The following GABRA3 variants were observed in gnomAD, a reference collection of about 807,000 sequenced individuals.
GABRA3 encodes the protein gamma-aminobutyric acid type A receptor subunit alpha3.
A neutral mutation model predicts 30.1 loss-of-function variants in GABRA3; 10 were observed. That is an observed-to-expected ratio of 0.33 (90% CI 0.20 to 0.56). GABRA3 has a LOEUF of 0.56. Among genes scored for constraint, GABRA3 ranks in the 20% least tolerant of loss-of-function variants. GABRA3 has a pLI of 0.89. For missense variants in GABRA3, 233 were observed against 392.0 expected, an observed-to-expected ratio of 0.59 and a Z score of 3.42; for synonymous variants, 151 against 146.8, an observed-to-expected ratio of 1.03 and a Z score of -0.21.
chrX:152,334,111 A>C (rs1012196399), intron 3 of GABRA3, among the ~76,000 whole-genome samples: 2 of 112,156 alleles, frequency 1.8e-5, no homozygotes, highest in Non-Finnish European at 3.8e-5. Flanking sequence ...CACTAAAAAG[A>C]AAAATTATAT....
At chrX:152,368,798 T>G (rs866341422) in intron 1 of GABRA3, among the ~76,000 whole-genome samples, 1 of 98,807 alleles carries the variant, frequency 1.0e-5, no homozygotes, top group Non-Finnish European at 2.0e-5. Flanking sequence ...CTCTGCCTCC[T>G]GGGTTCACAC....
chrX:152,345,791 T>C (rs1940383939), intron 2 of GABRA3, 89 bp from the exon 3 acceptor site: 12 of 877,113 alleles, frequency 1.4e-5, no homozygotes, highest in Non-Finnish European at 1.6e-5. Context: ...AGATTTCAAT[T>C]AATAGACTGG....
intron 1 of GABRA3, among the ~76,000 whole-genome samples, chrX:152,445,060 CAAAAAAAAA>C (rs1204814043): frequency 5.3e-5 from 1 of 18,720 alleles, no homozygotes; most frequent in African/African-American, 1.6e-4. Flanking sequence ...GACTCCGTCT[CAAAAAAAAA>C]AAAAAAAAAA....
chrX:152,405,563 C>T (rs915839953), intron 1 of GABRA3, among the ~76,000 whole-genome samples: 1 of 110,290 alleles, frequency 9.1e-6, no homozygotes. Context: ...GGAAGACAGT[C>T]CTTCCACTTG....
intron 3 of GABRA3, among the ~76,000 whole-genome samples, chrX:152,339,320 C>A (rs1940280558): frequency 9.3e-6 from 1 of 107,641 alleles, no homozygotes; most frequent in Non-Finnish European, 1.9e-5. Flanking sequence ...CTCCACCTCC[C>A]AGGTTCAAGT....
intron 2 of GABRA3, among the ~76,000 whole-genome samples, chrX:152,358,499 T>TA (rs1467314041): frequency 1.8e-5 from 2 of 111,614 alleles, no homozygotes; most frequent in African/African-American, 6.5e-5. Context: ...CAGAGATAGT[T>TA]AGACTCCCTA....
At chrX:152,200,262 G>C (rs1239906931) in intron 7 of GABRA3, among the ~76,000 whole-genome samples, 1 of 111,259 alleles carries the variant, frequency 9.0e-6, no homozygotes, top group Admixed American at 9.6e-5. Flanking sequence ...ATTTGGTTTT[G>C]GCAGGATTCC....
At chrX:152,364,346 C>A in intron 2 of GABRA3, 85 bp downstream of exon 2, 2 of 937,918 alleles carry the variant, frequency 2.1e-6, no homozygotes, top group South Asian at 2.5e-5. Context: ...TACTTGGGTT[C>A]ATCTGGGGGA....
chrX:152,303,198 T>C (rs1430865193), intron 3 of GABRA3, among the ~76,000 whole-genome samples: 1 of 112,373 alleles, frequency 8.9e-6, no homozygotes, highest in African/African-American at 3.2e-5. Context: ...CCACCAACAG[T>C]GTATAAGTGT....
chrX:152,390,213 T>A (rs1387680070), intron 1 of GABRA3, among the ~76,000 whole-genome samples: 3 of 111,828 alleles, frequency 2.7e-5, no homozygotes, highest in Non-Finnish European at 3.8e-5. Context: ...TCTCAGCTCG[T>A]CAAAGTCATC....
chrX:152,180,830 T>A (rs1477702638), intron 9 of GABRA3, among the ~76,000 whole-genome samples: 2 of 112,249 alleles, frequency 1.8e-5, no homozygotes, highest in Non-Finnish European at 3.8e-5. Flanking sequence ...GATACCTTTG[T>A]GGAAAATCAA....
At chrX:152,382,056 TACAAAGAACTTAA>T (rs2124507902) in intron 1 of GABRA3, among the ~76,000 whole-genome samples, 1 of 111,403 alleles carries the variant, frequency 9.0e-6, no homozygotes, top group South Asian at 3.8e-4. Context: ...ATCCAGAATC[TACAAAGAACTTAA>T]ACAGATTTAC....
At chrX:152,420,242 C>A (rs1440745840) in intron 1 of GABRA3, among the ~76,000 whole-genome samples, 1 of 111,183 alleles carries the variant, frequency 9.0e-6, no homozygotes, top group Non-Finnish European at 1.9e-5. Flanking sequence ...TCTCTGCTTA[C>A]GTTCAGCATT....
intron 4 of GABRA3, 103 bp downstream of exon 4, chrX:152,284,565 C>A: frequency 5.8e-6 from 3 of 515,607 alleles, no homozygotes; most frequent in Non-Finnish European, 9.5e-6. Flanking sequence ...GAGAAAAGAC[C>A]ACTCCTTAGA....
intron 1 of GABRA3, among the ~76,000 whole-genome samples, chrX:152,441,486 G>A (rs1454383183): frequency 9.0e-6 from 1 of 111,310 alleles, no homozygotes. Flanking sequence ...TGATAATTTC[G>A]TTTTAAAATT....
intron 1 of GABRA3, among the ~76,000 whole-genome samples, chrX:152,379,762 CA>C (rs1234486451): frequency 9.0e-6 from 1 of 111,329 alleles, no homozygotes; most frequent in East Asian, 2.8e-4. Context: ...AAGAATAAGG[CA>C]AAAGGACTTT....
chrX:152,184,860 C>T (rs1208572990), intron 9 of GABRA3, among the ~76,000 whole-genome samples: 7 of 111,473 alleles, frequency 6.3e-5, no homozygotes, highest in Admixed American at 9.6e-5. Context: ...TCATCAAAAA[C>T]CCACAGTTCA....
chrX:152,407,300 A>T (rs1215619476), intron 1 of GABRA3, among the ~76,000 whole-genome samples: 3 of 111,891 alleles, frequency 2.7e-5, no homozygotes, highest in African/African-American at 9.7e-5. Context: ...ACTTGTTTTT[A>T]AAAAAATAAA....
intron 4 of GABRA3, among the ~76,000 whole-genome samples, chrX:152,270,303 G>C (rs1172929515): frequency 9.0e-6 from 1 of 111,434 alleles, no homozygotes; most frequent in African/African-American, 3.3e-5. Flanking sequence ...TGTGAAGAAG[G>C]ACGTGTTTGC....
Sources: allele counts gnomAD v4.1 joint callset (sites outside exome capture counted in the v4.1 genomes callset), GRCh38; gene constraint gnomAD v4.1.1; transcripts MANE v1.5; gene names NCBI Gene and HGNC (gene_info 2026-07-23, HGNC 2026-07-21).